Variants in ATP10B observed in about 807,000 individuals in gnomAD.
ATP10B encodes the protein phospholipid-transporting ATPase VB.
A neutral mutation model predicts 141.2 loss-of-function variants in ATP10B; 122 were observed. The ratio of observed to expected loss-of-function variants is 0.86; its 90% CI spans 0.75 to 1.00. ATP10B has a LOEUF of 1.00. Ranked by LOEUF, ATP10B falls within the 50% of genes least tolerant of loss-of-function variation. The pLI is 0.00. For synonymous variants in ATP10B, 685 were observed against 692.0 expected, an observed-to-expected ratio of 0.99 and a Z score of 0.16; for missense variants, 1,876 against 1,825.3, an observed-to-expected ratio of 1.03 and a Z score of -0.51.
At chr5:160,587,126 T>C (rs1384974810) in intron 24 of ATP10B, among the ~76,000 whole-genome samples, 1 of 151,670 alleles carries the variant, frequency 6.6e-6, no homozygotes, top group Non-Finnish European at 1.5e-5. Context: ...TTAATTTTTG[T>C]ATAAGGTGTT....
chr5:160,642,184 T>C (rs1184882495), intron 9 of ATP10B, among the ~76,000 whole-genome samples: 1 of 152,240 alleles, frequency 6.6e-6, no homozygotes, highest in Non-Finnish European at 1.5e-5. Flanking sequence ...CATGTGACTT[T>C]GGGTGAGTGA....
intron 11 of ATP10B, among the ~76,000 whole-genome samples, chr5:160,635,800 C>T (rs549148174): frequency 5.9e-5 from 9 of 152,292 alleles, no homozygotes; most frequent in African/African-American, 1.9e-4. Flanking sequence ...ATTTCTCTCT[C>T]TCAATGTTGG....
intron 1 of ATP10B, among the ~76,000 whole-genome samples, chr5:160,805,152 TCTC>T (rs1399064220): frequency 6.6e-5 from 10 of 152,242 alleles, no homozygotes; most frequent in Non-Finnish European, 1.5e-4. Context: ...TTGCTTTTAT[TCTC>T]CTTGTTGGAG....
chr5:160,780,238 G>A (rs1770623893), intron 2 of ATP10B, among the ~76,000 whole-genome samples: 1 of 152,136 alleles, frequency 6.6e-6, no homozygotes, highest in Non-Finnish European at 1.5e-5. Flanking sequence ...GAGGAGATAA[G>A]CCTAGAAGTA....
intron 1 of ATP10B, among the ~76,000 whole-genome samples, chr5:160,799,956 A>G (rs1385031538): frequency 6.6e-6 from 1 of 152,180 alleles, no homozygotes; most frequent in Non-Finnish European, 1.5e-5. Context: ...GAGTTGGAGC[A>G]CTCAGTGCCA....
chr5:160,737,654 A>G lies in ATP10B; in HGVS notation c.-330-20620T>C, dbSNP rs568048693. ...AAAAATCCTATTTATAATAGCCACA[A>G]ATAAAATGAAATATCTAGGAATTAA... is the stretch of plus-strand genomic sequence containing the variant. On this transcript the variant is annotated intron_variant, in intron 2 of 25. Coordinates refer to ENST00000327245, the MANE Select transcript of ATP10B (RefSeq NM_025153.3). Among the ~76,000 whole-genome samples the G allele has an allele frequency of 6.6e-5, 10 of 152,278 alleles. No individual in the cohort carries two copies. The South Asian group carries it at 2.1e-3, about 32-fold the overall frequency.
the ATP10B span, among the ~76,000 whole-genome samples, chr5:160,865,131 A>G: frequency 6.6e-5 from 10 of 152,304 alleles, no homozygotes; most frequent in South Asian, 6.2e-4. Flanking sequence ...TACTAGGCAA[A>G]AAGTACAAAT....
the ATP10B span, among the ~76,000 whole-genome samples, chr5:160,873,781 C>T: frequency 1.3e-5 from 2 of 152,194 alleles, no homozygotes; most frequent in Admixed American, 1.3e-4. Flanking sequence ...ACAGACGGCA[C>T]CAGGAAAATT....
chr5:160,852,965 C>T (rs1036337249), upstream of ATP10B, among the ~76,000 whole-genome samples: 1 of 152,118 alleles, frequency 6.6e-6, no homozygotes, highest in Non-Finnish European at 1.5e-5. Flanking sequence ...AGTGAACATA[C>T]TAACTTCATG....
Position 160,569,490 on chromosome 5 carries a change from T to A in ATP10B, c.3938+6A>T, listed in dbSNP as rs760498668. The A allele has an allele frequency of 6.8e-6, 11 of 1,613,546 alleles. No individual in the cohort carries two copies. In the East Asian group the frequency reaches 2.0e-4, roughly 29 times the overall value. On this transcript the variant is annotated splice_donor_region_variant and intron_variant, in intron 25 of 25. Transcript: ENST00000327245. ...TAGGAAAGAAACACAGCCCTAGTGC[T>A]CAAACCTTGGGAGAAGAGCAACAAC...
At chr5:160,715,945 G>A (rs111618119) in intron 3 of ATP10B, among the ~76,000 whole-genome samples, 3 of 151,952 alleles carry the variant, frequency 2.0e-5, no homozygotes, top group African/African-American at 7.3e-5. Flanking sequence ...TCCTGACCTC[G>A]TGATCCACTC....
chr5:160,592,867 C>T (rs1014891095), intron 22 of ATP10B, among the ~76,000 whole-genome samples: 2 of 152,330 alleles, frequency 1.3e-5, no homozygotes, highest in South Asian at 2.1e-4. Context: ...GGGGGAGGGG[C>T]GCCTGCCATT....
At chr5:160,813,702 C>A (rs1016012854) in intron 1 of ATP10B, among the ~76,000 whole-genome samples, 2 of 152,218 alleles carry the variant, frequency 1.3e-5, no homozygotes, top group Non-Finnish European at 2.9e-5. Context: ...GGGTCCCTGA[C>A]CCCTGAGTAG....
At chr5:160,728,577 T>C (rs1386686043) in intron 2 of ATP10B, among the ~76,000 whole-genome samples, 1 of 152,168 alleles carries the variant, frequency 6.6e-6, no homozygotes, top group Admixed American at 6.5e-5. Flanking sequence ...TCCTGCCTAA[T>C]GTGTCTCTTC....
intron 1 of ATP10B, among the ~76,000 whole-genome samples, chr5:160,844,601 A>G (rs1308571313): frequency 6.6e-6 from 1 of 151,020 alleles, no homozygotes; most frequent in East Asian, 1.9e-4. Context: ...GCTGGAGTGT[A>G]GTGGCTCCAT....
At chr5:160,771,119 GCA>G (rs996692077) in intron 2 of ATP10B, among the ~76,000 whole-genome samples, 24 of 152,190 alleles carry the variant, frequency 1.6e-4, no homozygotes, top group African/African-American at 5.8e-4. Context: ...TCAGAAGTAT[GCA>G]CAGTGCCTGT....
At chr5:160,572,852 A>G (rs1003341972) in intron 24 of ATP10B, among the ~76,000 whole-genome samples, 2 of 152,238 alleles carry the variant, frequency 1.3e-5, no homozygotes, top group Non-Finnish European at 2.9e-5. Flanking sequence ...TTTTAACCTT[A>G]TATTTACTTC....
At chr5:160,763,058 T>G (rs543742385) in intron 2 of ATP10B, among the ~76,000 whole-genome samples, 3 of 142,522 alleles carry the variant, frequency 2.1e-5, no homozygotes, top group Non-Finnish European at 4.8e-5. Flanking sequence ...GCACCCAAAT[T>G]TGTAAAACAA....
chr5:160,591,051 T>C lies in ATP10B; in HGVS notation c.3645+8A>G. Reference sequence around the variant, plus strand: ...TTTATGTGGTTAGAATGGGACTACATGACTTACCAGGTAAGGGATAAAGAA... The same window carrying C: ...TTTATGTGGTTAGAATGGGACTACACGACTTACCAGGTAAGGGATAAAGAA... On this transcript the variant is annotated splice_region_variant and intron_variant, in intron 23 of 25. Transcript: ENST00000327245. 1 of 1,611,342 alleles carries C rather than the reference T, an allele frequency of 6.2e-7. No individual in the cohort carries two copies. The highest frequency in any genetic ancestry group is 2.2e-5 in the East Asian group (1 of 44,854).
Sources: gnomAD v4.1 joint callset for allele counts (sites outside exome capture counted in the v4.1 genomes callset) on GRCh38, gnomAD v4.1.1 for gene constraint, MANE v1.5 for transcripts, NCBI Gene and HGNC (gene_info 2026-07-23, HGNC 2026-07-21) for gene names.